Variants in RUNDC3B observed in about 807,000 individuals in gnomAD.
RUNDC3B encodes the protein RUN domain containing 3B.
RUNDC3B carries 33 observed loss-of-function variants against 58.4 expected under a neutral mutation model. The observed-to-expected ratio is 0.56, with a 90% CI of 0.43 to 0.75. The LOEUF (loss-of-function observed/expected upper bound fraction) is 0.75. RUNDC3B is among the 30% of genes least tolerant of loss of function. The pLI is 0.00. For synonymous variants in RUNDC3B, 193 were observed against 195.2 expected, an observed-to-expected ratio of 0.99 and a Z score of 0.10; for missense variants, 501 against 535.7, an observed-to-expected ratio of 0.94 and a Z score of 0.64.
chr7:87,788,912 A>C (rs973744637), intron 8 of RUNDC3B, among the ~76,000 whole-genome samples: 3 of 152,134 alleles, frequency 2.0e-5, no homozygotes, highest in African/African-American at 7.2e-5. Flanking sequence ...TTTGTACCTG[A>C]GATTGCCCAA....
Position 87,628,562 on chromosome 7 carries a change from G to A in RUNDC3B, c.-262G>A. On this transcript the variant is annotated 5_prime_UTR_variant, in exon 1 of 11. Coordinates refer to ENST00000394654, the MANE Select transcript of RUNDC3B (RefSeq NM_001134405.2). ...AGCCCGGCAGTCGGCGGCGCGCCGAGGGCGGAGGTGGTGCGTGCGTGCGTG... is the reference window on the plus strand; with the variant it reads ...AGCCCGGCAGTCGGCGGCGCGCCGAAGGCGGAGGTGGTGCGTGCGTGCGTG... The A allele has an allele frequency of 3.0e-6, 1 of 329,492 alleles. No individual in the cohort carries two copies. The highest frequency in any genetic ancestry group is 4.6e-5 in the East Asian group (1 of 21,628). 20.4% of individuals were successfully genotyped at this position (329,492 alleles called of 1,614,324 possible).
intron 10 of RUNDC3B, among the ~76,000 whole-genome samples, chr7:87,818,677 C>T (rs1453981269): frequency 6.6e-6 from 1 of 152,118 alleles, no homozygotes; most frequent in Non-Finnish European, 1.5e-5. Flanking sequence ...TACAAGCAGG[C>T]TCTCATGCTC....
intron 4 of RUNDC3B, among the ~76,000 whole-genome samples, chr7:87,729,500 GCATAACTCAGC>G (rs1314490278): frequency 6.6e-6 from 1 of 152,172 alleles, no homozygotes; most frequent in Non-Finnish European, 1.5e-5. Context: ...GCAACACAGG[GCATAACTCAGC>G]CAGTGCCTAC....
chr7:87,763,577 A>G (rs183688412), intron 6 of RUNDC3B, among the ~76,000 whole-genome samples: 1 of 151,754 alleles, frequency 6.6e-6, no homozygotes, highest in East Asian at 1.9e-4. Flanking sequence ...AATATTTAAT[A>G]AATATTACAC....
At chr7:87,710,254 A>G (rs1829949865) in intron 3 of RUNDC3B, among the ~76,000 whole-genome samples, 1 of 152,198 alleles carries the variant, frequency 6.6e-6, no homozygotes, top group African/African-American at 2.4e-5. Flanking sequence ...ATTGAAGTAG[A>G]GAGTTATATC....
At chr7:87,770,253 C>T (rs1036767679) in intron 6 of RUNDC3B, among the ~76,000 whole-genome samples, 4 of 152,072 alleles carry the variant, frequency 2.6e-5, no homozygotes, top group Admixed American at 2.6e-4. Flanking sequence ...AGGCTGTTTC[C>T]AGCGCATCTA....
intron 3 of RUNDC3B, among the ~76,000 whole-genome samples, chr7:87,706,428 C>T (rs1030422827): frequency 2.0e-5 from 3 of 151,946 alleles, no homozygotes; most frequent in Non-Finnish European, 2.9e-5. Context: ...AAAACAGAGT[C>T]GATCCCAAAG....
At chr7:87,644,895 T>G (rs1822827589) in intron 1 of RUNDC3B, among the ~76,000 whole-genome samples, 1 of 151,992 alleles carries the variant, frequency 6.6e-6, no homozygotes, top group Non-Finnish European at 1.5e-5. Flanking sequence ...ATTTTTAAGT[T>G]ATTTTTAATT....
intron 8 of RUNDC3B, among the ~76,000 whole-genome samples, chr7:87,799,338 G>C (rs1835993774): frequency 6.6e-6 from 1 of 152,188 alleles, no homozygotes; most frequent in South Asian, 2.1e-4. Context: ...GAAGCTGGAG[G>C]TAGGCAGTTC....
chr7:87,723,649 A>T (rs1366904934), intron 4 of RUNDC3B, among the ~76,000 whole-genome samples: 1 of 152,166 alleles, frequency 6.6e-6, no homozygotes, highest in African/African-American at 2.4e-5. Flanking sequence ...AAGGTAAAAG[A>T]GTTTAAATAA....
chr7:87,676,957 A>G (rs537580275), intron 2 of RUNDC3B, among the ~76,000 whole-genome samples: 84 of 152,262 alleles, frequency 5.5e-4, no homozygotes, highest in Middle Eastern at 3.4e-3. Flanking sequence ...TGGCCAGTAT[A>G]AAAAACAATC....
chr7:87,654,359 G>A (rs1823873447), intron 2 of RUNDC3B, among the ~76,000 whole-genome samples: 1 of 151,978 alleles, frequency 6.6e-6, no homozygotes, highest in South Asian at 2.1e-4. Flanking sequence ...AGTTAAAACA[G>A]GATGTTACCA....
intron 2 of RUNDC3B, among the ~76,000 whole-genome samples, chr7:87,690,003 A>T (rs1260617595): frequency 1.3e-5 from 2 of 151,900 alleles, no homozygotes; most frequent in Admixed American, 6.6e-5. Flanking sequence ...AAAATTTTTA[A>T]ATTTTTTATA....
chr7:87,642,714 T>C (rs1290859377), intron 1 of RUNDC3B, among the ~76,000 whole-genome samples: 1 of 152,118 alleles, frequency 6.6e-6, no homozygotes, highest in Non-Finnish European at 1.5e-5. Flanking sequence ...CTGTCTTTTT[T>C]ATTTTAAGAG....
At chr7:87,639,436 C>A (rs1264440588) in intron 1 of RUNDC3B, among the ~76,000 whole-genome samples, 1 of 151,980 alleles carries the variant, frequency 6.6e-6, no homozygotes, top group Non-Finnish European at 1.5e-5. Flanking sequence ...TGTTCATGTC[C>A]TCTGTATTCT....
At chr7:87,767,632 A>G (rs1299866254) in intron 6 of RUNDC3B, among the ~76,000 whole-genome samples, 1 of 152,198 alleles carries the variant, frequency 6.6e-6, no homozygotes, top group Non-Finnish European at 1.5e-5. Context: ...TTGGTGATGC[A>G]GTTCAATCTC....
chr7:87,802,677 T>A (rs1395971388), intron 8 of RUNDC3B, among the ~76,000 whole-genome samples: 2 of 152,172 alleles, frequency 1.3e-5, no homozygotes, highest in African/African-American at 4.8e-5. Context: ...AACTCATAAA[T>A]ATACACACCT....
chr7:87,823,844 C>CTACA (rs993991763), intron 10 of RUNDC3B, among the ~76,000 whole-genome samples: 174 of 149,470 alleles, frequency 1.2e-3, no homozygotes, highest in African/African-American at 3.6e-3. Context: ...ACACACTCAC[C>CTACA]TACATACATA....
At chr7:87,653,758 T>G (rs1823809866) in intron 2 of RUNDC3B, among the ~76,000 whole-genome samples, 1 of 152,008 alleles carries the variant, frequency 6.6e-6, no homozygotes, top group Non-Finnish European at 1.5e-5. Flanking sequence ...GGTAAGGTAT[T>G]GCTAGTTTCT....
Sources: gnomAD v4.1 joint callset for allele counts (sites outside exome capture counted in the v4.1 genomes callset) on GRCh38, gnomAD v4.1.1 for gene constraint, MANE v1.5 for transcripts, NCBI Gene and HGNC (gene_info 2026-07-23, HGNC 2026-07-21) for gene names.